NHLRC2: variants seen among roughly 807,000 people sequenced by gnomAD.
NHLRC2 encodes the protein NHL repeat-containing protein 2.
Under a neutral mutation model 68.1 loss-of-function variants are expected in NHLRC2, and 33 were observed. That is an observed-to-expected ratio of 0.48 (90% CI 0.37 to 0.65). The LOEUF is 0.65. Ranked by LOEUF, NHLRC2 falls within the 30% of genes least tolerant of loss-of-function variation. The pLI is 0.00. For missense variants in NHLRC2, 761 were observed against 853.8 expected (o/e 0.89, Z 1.35); for synonymous variants, 311 against 309.6 (o/e 1.00, Z -0.05).
rs771480117 is a variant in NHLRC2 at position 113,898,207 on chromosome 10, AAAGT to A, written c.1139+3_1139+6del. ...TGGACTCTGGCAAACTGCCAAAGAA[AAAGT>A]AAGTGACAGCCTCTCTCTTTGAGTA... On this transcript the variant is annotated splice_donor_variant and coding_sequence_variant, in exon 6 of 11. Coordinates refer to ENST00000369301, the MANE Select transcript of NHLRC2 (RefSeq NM_198514.4). LOFTEE classifies it high-confidence loss of function. The A allele has an allele frequency of 6.2e-7, 1 of 1,602,112 alleles. No homozygotes were observed. The highest frequency in any genetic ancestry group is 8.6e-7 in the Non-Finnish European group (1 of 1,169,224).
chr10:113,889,131 C>G (rs1052372137), intron 5 of NHLRC2, among the ~76,000 whole-genome samples: 1 of 151,910 alleles, frequency 6.6e-6, no homozygotes, highest in Admixed American at 6.6e-5. Context: ...CCAGCCAAAA[C>G]CCCTATCAGT....
At chr10:113,906,526 G>T (rs998255533) in intron 10 of NHLRC2, among the ~76,000 whole-genome samples, 2 of 149,644 alleles carry the variant, frequency 1.3e-5, no homozygotes, top group African/African-American at 5.0e-5. Flanking sequence ...TAGAATATAT[G>T]CAAGTTTTAA....
At chr10:113,896,777 G>A (rs534152095) in intron 5 of NHLRC2, among the ~76,000 whole-genome samples, 59 of 152,100 alleles carry the variant, frequency 3.9e-4, no homozygotes, top group African/African-American at 2.6e-4. Context: ...GGCAGATCAC[G>A]AGGTTAGGAG....
At chr10:113,900,757 T>C (rs1846220750) in intron 6 of NHLRC2, among the ~76,000 whole-genome samples, 1 of 152,232 alleles carries the variant, frequency 6.6e-6, no homozygotes, top group Non-Finnish European at 1.5e-5. Context: ...TTATGCGTGC[T>C]AAATCCCTTT....
chr10:113,859,744 T>C (rs931208030), intron 2 of NHLRC2, among the ~76,000 whole-genome samples: 1 of 151,496 alleles, frequency 6.6e-6, no homozygotes, highest in African/African-American at 2.5e-5. Flanking sequence ...ATGTGCAGGG[T>C]ACTCTGCTAA....
intron 2 of NHLRC2, among the ~76,000 whole-genome samples, chr10:113,873,204 G>A (rs1000427023): frequency 2.0e-5 from 3 of 152,122 alleles, no homozygotes; most frequent in African/African-American, 7.2e-5. Flanking sequence ...ATCAATCAAG[G>A]TTAAAGAAAA....
In NHLRC2 at chr10:113,908,584, CCTGA is replaced by C. The variant is rs776212417; in HGVS notation, c.*51_*54del. The C allele has an allele frequency of 3.8e-6, 6 of 1,595,380 alleles. No homozygotes were observed. The highest frequency in any genetic ancestry group is 2.2e-5 in the East Asian group (1 of 44,610). On this transcript the variant is annotated 3_prime_UTR_variant, in exon 11 of 11. Coordinates refer to ENST00000369301, the MANE Select transcript of NHLRC2 (RefSeq NM_198514.4). ...ATTGCCACCACCTACTGTCTCCCATCCTGACTATCACTGTAATTTAAGGAAAGAA... is the reference window on the plus strand; with the variant it reads ...ATTGCCACCACCTACTGTCTCCCATCCTATCACTGTAATTTAAGGAAAGAA...
At chr10:113,895,196 A>G (rs1220833565) in intron 5 of NHLRC2, among the ~76,000 whole-genome samples, 4 of 152,158 alleles carry the variant, frequency 2.6e-5, no homozygotes, top group East Asian at 1.9e-4. Context: ...GGAAATACCA[A>G]CCATCATTAG....
chr10:113,881,765 TA>T (rs1846037846), intron 4 of NHLRC2, among the ~76,000 whole-genome samples: 1 of 151,796 alleles, frequency 6.6e-6, no homozygotes, highest in African/African-American at 2.4e-5. Context: ...TAGTTTTTAG[TA>T]AATTTAACAG....
At chr10:113,860,813 G>T (rs992748971) in intron 2 of NHLRC2, among the ~76,000 whole-genome samples, 1 of 152,214 alleles carries the variant, frequency 6.6e-6, no homozygotes, top group African/African-American at 2.4e-5. Context: ...TTGACTTATA[G>T]TGCAGCTGAT....
At chr10:113,862,223 T>G (rs1211586483) in intron 2 of NHLRC2, among the ~76,000 whole-genome samples, 2 of 152,094 alleles carry the variant, frequency 1.3e-5, no homozygotes, top group African/African-American at 2.4e-5. Flanking sequence ...AAGTAATTAT[T>G]AGTTTATATA....
At chr10:113,903,209 C>A (rs992463988) in intron 8 of NHLRC2, among the ~76,000 whole-genome samples, 1 of 151,986 alleles carries the variant, frequency 6.6e-6, no homozygotes, top group Non-Finnish European at 1.5e-5. Flanking sequence ...AAGTGTGTCC[C>A]ATTGTGAAGA....
Position 113,908,946 on chromosome 10 carries a change from C to T in NHLRC2, c.*410C>T, listed in dbSNP as rs1231800723. The T allele has an allele frequency of 6.0e-6, 1 of 166,212 alleles. No individual in the cohort carries two copies. The highest frequency in any genetic ancestry group is 5.8e-5 in the Admixed American group (1 of 17,096). 10.3% of individuals were successfully genotyped at this position (166,212 alleles called of 1,614,324 possible). On this transcript the variant is annotated 3_prime_UTR_variant, in exon 11 of 11. Coordinates refer to ENST00000369301, the MANE Select transcript of NHLRC2 (RefSeq NM_198514.4). Reference sequence around the variant, plus strand: ...CTTGAATGTGTAAATTTCACAGTAACTTTAGGCAGAACTTAAGCTCCAGGC... The same window carrying T: ...CTTGAATGTGTAAATTTCACAGTAATTTTAGGCAGAACTTAAGCTCCAGGC...
chr10:113,905,057 A>G, intron 10 of NHLRC2, 21 bp downstream of exon 10: 1 of 1,146,156 alleles, frequency 8.7e-7, no homozygotes, highest in South Asian at 1.6e-5. Flanking sequence ...AAGCTTGCAA[A>G]TACTAATACA....
At chr10:113,880,718 A>G (rs1461259360) in intron 4 of NHLRC2, among the ~76,000 whole-genome samples, 2 of 151,956 alleles carry the variant, frequency 1.3e-5, no homozygotes, top group East Asian at 3.8e-4. Flanking sequence ...TTTGTCTACT[A>G]CTGAATCCTA....
At chr10:113,878,717 TG>T (rs1846008030) in intron 3 of NHLRC2, among the ~76,000 whole-genome samples, 1 of 152,086 alleles carries the variant, frequency 6.6e-6, no homozygotes, top group Non-Finnish European at 1.5e-5. Flanking sequence ...TTAATAGAGA[TG>T]GGGTTTCATT....
intron 2 of NHLRC2, among the ~76,000 whole-genome samples, chr10:113,864,480 A>G (rs1845845062): frequency 6.6e-6 from 1 of 152,164 alleles, no homozygotes; most frequent in Non-Finnish European, 1.5e-5. Flanking sequence ...CAGGCGGATC[A>G]TGAGGTCAAG....
intron 2 of NHLRC2, 74 bp downstream of exon 2, chr10:113,858,754 C>G: frequency 9.8e-7 from 1 of 1,021,646 alleles, no homozygotes; most frequent in South Asian, 1.6e-5. Flanking sequence ...CTCATTAGCT[C>G]ATAGGAGAAT....
rs141719346 is a variant in NHLRC2, at chr10:113,887,348, TAAC to T, written c.1039+2971_1039+2973del. On this transcript the variant is annotated intron_variant, in intron 5 of 10. Coordinates refer to ENST00000369301, the MANE Select transcript of NHLRC2 (RefSeq NM_198514.4). ...ATTTATATGATCCATCAGTCTGACT[TAAC>T]AAAGGCATTTAAATTGCTGTGTCAT... Among the ~76,000 whole-genome samples, 841 of 152,354 alleles carry T rather than the reference TAAC, an allele frequency of 5.5e-3. 7 individuals carry two copies. Among genetic ancestry groups the T allele is most frequent in the African/African-American group, 0.019 (796 of 41,582 alleles).
Sources: gnomAD v4.1 joint callset for allele counts (sites outside exome capture counted in the v4.1 genomes callset) on GRCh38, gnomAD v4.1.1 for gene constraint, MANE v1.5 for transcripts, NCBI Gene and HGNC (gene_info 2026-07-23, HGNC 2026-07-21) for gene names.